Variants in ABCC1 observed in about 807,000 individuals in gnomAD.
The protein encoded by ABCC1 is multidrug resistance-associated protein 1.
Under a neutral mutation model 172.9 loss-of-function variants are expected in ABCC1, and 83 were observed. The observed-to-expected ratio is 0.48, with a 90% confidence interval of 0.40 to 0.58. The LOEUF (loss-of-function observed/expected upper bound fraction) is 0.58, where lower values mean the gene tolerates loss of function less well. Ranked by LOEUF, ABCC1 falls within the 20% of genes least tolerant of loss-of-function variation. The probability of loss-of-function intolerance (pLI) is 0.00; values close to 1 mark genes in which losing one functional copy is unlikely to be tolerated. For missense variants in ABCC1, 1,817 were observed against 2,002.7 expected (o/e 0.91, Z 1.77); for synonymous variants, 937 against 825.2 (o/e 1.14, Z -2.32).
At chr16:16,020,234 T>A (rs1179396869) in intron 5 of ABCC1, among the ~76,000 whole-genome samples, 1 of 152,200 alleles carries the variant, frequency 6.6e-6, no homozygotes, top group African/African-American at 2.4e-5. Context: ...GGTCTGCCTC[T>A]TGTGCAGTGA....
At chr16:16,136,862 C>T (rs760155958) in intron 29 of ABCC1, among the ~76,000 whole-genome samples, 2 of 152,196 alleles carry the variant, frequency 1.3e-5, no homozygotes, top group East Asian at 3.8e-4. Flanking sequence ...ATGACCAGTA[C>T]ATTTCCTTTT....
chr16:15,966,951 G>C lies in ABCC1; in HGVS notation c.48+17152G>C, dbSNP rs2151519636. ...CTGCCTCAGCCTTCCAAAGTGCTGG[G>C]ATTACAGGTGGGCACCACTGTGCCT... On this transcript the variant is annotated intron_variant, in intron 1 of 30. Transcript: ENST00000399410. 2.0e-5 allele frequency among the ~76,000 whole-genome samples: 3 copies of C among 152,298 alleles called. No homozygotes were observed. In the Middle Eastern group the frequency reaches 0.01, roughly 518 times the overall value.
At chr16:15,989,710 C>A (rs1289877885) in intron 1 of ABCC1, among the ~76,000 whole-genome samples, 2 of 151,970 alleles carry the variant, frequency 1.3e-5, no homozygotes, top group Non-Finnish European at 2.9e-5. Context: ...CTGTGACTCG[C>A]GGGCCATCTT....
At position 16,122,183 on chromosome 16, in the gene ABCC1, G is replaced by C. The variant is rs370547117; in HGVS notation, c.3590+9G>C. 35 of 1,613,826 alleles carry C rather than the reference G, an allele frequency of 2.2e-5. No individual in the cohort carries two copies. Among genetic ancestry groups the C allele is most frequent in the Non-Finnish European group, 2.9e-5 (34 of 1,179,878 alleles). On this transcript the variant is annotated intron_variant, in intron 24 of 30. Transcript: ENST00000399410. ...AGCATCGTGGCCAACAGGTGGGCAT[G>C]GTGGGCCTGCAGGAGCGGGTGGAGG...
At chr16:16,127,998 G>A (rs571949381) in intron 26 of ABCC1, among the ~76,000 whole-genome samples, 1 of 144,002 alleles carries the variant, frequency 6.9e-6, no homozygotes, top group South Asian at 2.2e-4. Flanking sequence ...TCAGCTCACT[G>A]CAACCTCCAC....
At chr16:16,103,726 G>C (rs2051897268) in intron 20 of ABCC1, among the ~76,000 whole-genome samples, 1 of 152,344 alleles carries the variant, frequency 6.6e-6, no homozygotes, top group Non-Finnish European at 1.5e-5. Context: ...GGTCAGGAGA[G>C]AGCAAAGACC....
Position 16,141,464 on chromosome 16 carries a change from C to G in ABCC1, c.*183C>G, listed in dbSNP as rs929294142. The G allele has an allele frequency of 5.0e-6, 3 of 604,302 alleles. No homozygotes were observed. Among genetic ancestry groups the G allele is most frequent in the Non-Finnish European group, 8.7e-6 (3 of 342,958 alleles). 37.4% of individuals were successfully genotyped at this position (604,302 alleles called of 1,614,324 possible). A position where few individuals can be genotyped will look rare whatever the true frequency, so the allele number is the denominator to read the frequency against. On this transcript the variant is annotated 3_prime_UTR_variant, in exon 31 of 31. Transcript: ENST00000399410. ...CATCCGGTCCCCTGCCTGGAACTGG[C>G]TGTGAAGACCCAGGAGAGACAGAGA...
chr16:16,087,035 C>G, intron 18 of ABCC1, 44 bp downstream of exon 18: 1 of 1,609,670 alleles, frequency 6.2e-7, no homozygotes, highest in African/African-American at 1.3e-5. Context: ...CCGTCTCGCC[C>G]TTTGGTTAAG....
intron 13 of ABCC1, among the ~76,000 whole-genome samples, chr16:16,070,985 C>T (rs1429495164): frequency 6.6e-6 from 1 of 152,224 alleles, no homozygotes; most frequent in African/African-American, 2.4e-5. Context: ...AAATGCCTGT[C>T]CCATTGGGCT....
chr16:16,000,709 C>G (rs906032781), intron 1 of ABCC1, among the ~76,000 whole-genome samples: 1 of 152,176 alleles, frequency 6.6e-6, no homozygotes, highest in Admixed American at 6.6e-5. Context: ...ATCCTCCTGC[C>G]TTGGCCTCCC....
At chr16:16,061,636 G>A (rs34360190) in intron 12 of ABCC1, among the ~76,000 whole-genome samples, 22,493 of 152,010 alleles carry the variant, frequency 0.15, 2,077 homozygotes, top group Middle Eastern at 0.29. Flanking sequence ...CAGAGTCCAC[G>A]TCTGTATCAC....
intron 22 of ABCC1, 125 bp from the exon 23 acceptor site, chr16:16,114,641 C>T (rs2044767607): frequency 1.1e-6 from 1 of 937,544 alleles, no homozygotes; most frequent in East Asian, 2.7e-5. Context: ...ATGCCTGGTT[C>T]ATCATTATTA....
intron 22 of ABCC1, among the ~76,000 whole-genome samples, chr16:16,113,764 A>T (rs1007786903): frequency 6.6e-6 from 1 of 152,206 alleles, no homozygotes; most frequent in Non-Finnish European, 1.5e-5. Flanking sequence ...TAAAACAGCG[A>T]TCCCTAGCCT....
intron 7 of ABCC1, among the ~76,000 whole-genome samples, chr16:16,042,281 G>A (rs769058788): frequency 2.0e-5 from 3 of 151,720 alleles, no homozygotes; most frequent in Non-Finnish European, 4.4e-5. Flanking sequence ...TAAAAGGCTG[G>A]TACAGGAATG....
At chr16:15,996,127 G>A (rs2047047959) in intron 1 of ABCC1, among the ~76,000 whole-genome samples, 1 of 151,798 alleles carries the variant, frequency 6.6e-6, no homozygotes, top group Non-Finnish European at 1.5e-5. Flanking sequence ...TGGGACTACA[G>A]GCGCACGCCA....
rs1398087621 is a variant in ABCC1, at chr16:16,056,159, T to A, written c.1541T>A (p.Val514Glu). 6.2e-7 allele frequency: 1 copy of A among 1,613,972 alleles called. No individual in the cohort carries two copies. The highest frequency in any genetic ancestry group is 8.5e-7 in the Non-Finnish European group (1 of 1,180,032). Residue 514 changes from valine to glutamate, a missense_variant, in exon 12 of 31, where the codon GTG becomes GAG. By Grantham distance (121) the Val-to-Glu change is moderately radical. Around this residue, in one of 3 missense-constraint regions of ABCC1, gnomAD observed 1,412 missense variants for 1,600.3 expected, o/e 0.88. Coordinates refer to ENST00000399410, the MANE Select transcript of ABCC1 (RefSeq NM_004996.4). ...AACGAAATTCTCAATGGGATCAAAG[T>A]GCTAAAGCTTTATGCCTGGGAGCTG... is the stretch of plus-strand genomic sequence containing the variant. ...LMNEILNGIK[V>E]LKLYAWELAF...
chr16:16,053,155 C>T (rs2049503033), intron 11 of ABCC1, among the ~76,000 whole-genome samples: 1 of 152,146 alleles, frequency 6.6e-6, no homozygotes, highest in Non-Finnish European at 1.5e-5. Flanking sequence ...GTCCTTGTTT[C>T]CCACGGTCTT....
intron 28 of ABCC1, among the ~76,000 whole-genome samples, chr16:16,135,506 A>G (rs1050567505): frequency 1.3e-5 from 2 of 151,984 alleles, no homozygotes; most frequent in African/African-American, 2.4e-5. Flanking sequence ...TCTGTCACCC[A>G]GTGCAGTGGC....
chr16:16,107,128 T>A (rs2052157656), intron 21 of ABCC1, among the ~76,000 whole-genome samples: 1 of 152,152 alleles, frequency 6.6e-6, no homozygotes, highest in Non-Finnish European at 1.5e-5. Context: ...GTCTCTGCTC[T>A]ATTGACTGCC....
Sources: gnomAD v4.1 joint callset for allele counts (sites outside exome capture counted in the v4.1 genomes callset) on GRCh38, gnomAD v4.1.1 for gene constraint, gnomAD v4.1.1 regional missense constraint, MANE v1.5 for transcripts, NCBI Gene and HGNC (gene_info 2026-07-23, HGNC 2026-07-21) for gene names.